EXOC5: variants seen among roughly 807,000 people sequenced by gnomAD.
EXOC5 encodes the protein exocyst complex component 5, also known as SEC10-like 1.
In EXOC5, 17 loss-of-function variants were observed where a neutral mutation model predicts 90.8. The ratio of observed to expected loss-of-function variants is 0.19; its 90% CI spans 0.13 to 0.28. The LOEUF (loss-of-function observed/expected upper bound fraction) is 0.28, where lower values mean the gene tolerates loss of function less well. EXOC5 is among the 10% of genes least tolerant of loss of function. The pLI is 1.00. For missense variants in EXOC5, 569 were observed against 830.6 expected (o/e 0.69, Z 3.87); for synonymous variants, 260 against 270.0 (o/e 0.96, Z 0.36).
At chr14:57,231,906 G>A (rs577240649) in intron 10 of EXOC5, 191 bp from the exon 11 acceptor site, 1 of 483,052 alleles carries the variant, frequency 2.1e-6, no homozygotes, top group African/African-American at 2.0e-5. Context: ...GAAATATTAC[G>A]AACAACTTTA....
At chr14:57,245,315 A>C (rs1884002689) in intron 3 of EXOC5, among the ~76,000 whole-genome samples, 1 of 152,162 alleles carries the variant, frequency 6.6e-6, no homozygotes, top group African/African-American at 2.4e-5. Context: ...ACATTTATTA[A>C]GGACTTTCTC....
chr14:57,242,025 C>T (rs933701914), intron 4 of EXOC5, among the ~76,000 whole-genome samples: 2 of 150,404 alleles, frequency 1.3e-5, no homozygotes, highest in Non-Finnish European at 3.0e-5. Context: ...CCCAGCTACT[C>T]AGGAGGCTGA....
At chr14:57,228,601 G>A (rs909796396) in intron 12 of EXOC5, among the ~76,000 whole-genome samples, 19 of 151,648 alleles carry the variant, frequency 1.3e-4, no homozygotes, top group African/African-American at 4.4e-4. Context: ...AACTAGCACA[G>A]GAAGAGAAAA....
intron 10 of EXOC5, 87 bp downstream of exon 10, chr14:57,232,580 T>G (rs1883519087): frequency 3.4e-6 from 2 of 591,702 alleles, no homozygotes; most frequent in Admixed American, 3.5e-5. Flanking sequence ...GACAAACTTA[T>G]TCAAAAATAC....
At chr14:57,213,509 G>A (rs539649853) in intron 15 of EXOC5, among the ~76,000 whole-genome samples, 193 of 151,890 alleles carry the variant, frequency 1.3e-3, no homozygotes, top group African/African-American at 4.3e-3. Context: ...CCAGGTTCAA[G>A]CAACTCCCCT....
chr14:57,238,426 ATATATG>A (rs1347840309), intron 5 of EXOC5, among the ~76,000 whole-genome samples: 2 of 150,508 alleles, frequency 1.3e-5, no homozygotes, highest in East Asian at 3.9e-4. Context: ...ATATTCATAT[ATATATG>A]TATATATGCA....
At chr14:57,240,623 T>C (rs1350881672) in intron 4 of EXOC5, among the ~76,000 whole-genome samples, 1 of 152,046 alleles carries the variant, frequency 6.6e-6, no homozygotes, top group Non-Finnish European at 1.5e-5. Context: ...CTAAGGAACT[T>C]AGGCAAGAGT....
At chr14:57,243,979 A>T (rs1167133119) in intron 4 of EXOC5, 186 bp downstream of exon 4, 2 of 491,336 alleles carry the variant, frequency 4.1e-6, no homozygotes, top group African/African-American at 3.9e-5. Context: ...TAAACATCTC[A>T]ATATTAACAC....
intron 12 of EXOC5, among the ~76,000 whole-genome samples, chr14:57,227,152 C>A (rs892345871): frequency 4.6e-5 from 7 of 152,094 alleles, no homozygotes; most frequent in African/African-American, 1.7e-4. Context: ...ACAAACACTT[C>A]ACCAGAGAGT....
intron 1 of EXOC5, among the ~76,000 whole-genome samples, chr14:57,263,299 C>T (rs1267601521): frequency 2.0e-5 from 3 of 151,970 alleles, no homozygotes; most frequent in Non-Finnish European, 4.4e-5. Context: ...AATGAGACCC[C>T]GTCCCTACAA....
chr14:57,257,627 A>G (rs959691516), intron 1 of EXOC5, among the ~76,000 whole-genome samples: 1 of 152,206 alleles, frequency 6.6e-6, no homozygotes, highest in East Asian at 1.9e-4. Context: ...AGGGTTTACG[A>G]GAAGTCAGCA....
intron 14 of EXOC5, 80 bp from the exon 15 acceptor site, chr14:57,218,148 T>C: frequency 1.5e-6 from 1 of 652,804 alleles, no homozygotes; most frequent in East Asian, 2.8e-5. Context: ...CCTATGTGTA[T>C]TACATTATAT....
chr14:57,206,082 C>T lies in EXOC5; in HGVS notation c.*2527G>A. ...TTCTCAATTTTAGAAAAACAATGCA[C>T]AGTGTGTTAAGAGCATATTTTCAAC... On this transcript the variant is annotated 3_prime_UTR_variant, in exon 18 of 18. Coordinates refer to ENST00000621441, the MANE Select transcript of EXOC5 (RefSeq NM_006544.4). The T allele has an allele frequency of 2.3e-6, 1 of 438,890 alleles. No homozygotes were observed. The allele number at this position is 438,890 out of a possible 1,614,324, so 27.2% of individuals were successfully genotyped here. A position where few individuals can be genotyped will look rare whatever the true frequency, so the allele number is the denominator to read the frequency against.
chr14:57,247,773 T>C, intron 1 of EXOC5, 61 bp from the exon 2 acceptor site: 1 of 800,096 alleles, frequency 1.2e-6, no homozygotes, highest in Non-Finnish European at 1.9e-6. Context: ...ATATTACTTA[T>C]AAAATTAAAA....
At position 57,266,735 on chromosome 14, in the gene EXOC5, GTATA is replaced by G. The variant is rs10550570; in HGVS notation, c.27+1883_27+1886del. 1.8e-4 allele frequency among the ~76,000 whole-genome samples: 26 copies of G among 146,420 alleles called. 1 individual carries two copies. Among genetic ancestry groups the G allele is most frequent in the Admixed American group, 4.1e-4 (6 of 14,588 alleles). On this transcript the variant is annotated intron_variant, in intron 1 of 17. Transcript: ENST00000621441. Reference sequence around the variant, plus strand: ...TATATATATGTGTATGTGTGTGTGTGTATATATATATATATATAAAACGTATATA... The same window carrying G: ...TATATATATGTGTATGTGTGTGTGTGTATATATATATATAAAACGTATATA...
chr14:57,216,279 G>GAA (rs75662960), intron 15 of EXOC5, among the ~76,000 whole-genome samples: 40,957 of 133,444 alleles, frequency 0.31, 9,815 homozygotes, highest in African/African-American at 0.67. Context: ...CACAGAAATA[G>GAA]AAAAAAAAAA....
chr14:57,268,461 C>T, intron 1 of EXOC5, 161 bp downstream of exon 1: 2 of 1,493,004 alleles, frequency 1.3e-6, no homozygotes, highest in African/African-American at 1.4e-5. Flanking sequence ...TTTCACGCTC[C>T]GCCCGCGCTG....
Position 57,203,829 on chromosome 14 carries a change from CA to C in EXOC5, c.*4779del, listed in dbSNP as rs1452961600. The C allele has an allele frequency of 6.6e-6, 1 of 152,526 alleles. No individual in the cohort carries two copies. Among genetic ancestry groups the C allele is most frequent in the African/African-American group, 2.4e-5 (1 of 41,420 alleles). The allele number at this position is 152,526 out of a possible 1,614,324, so 9.4% of individuals were successfully genotyped here. ...ATTGACAATTTTAATACATGTTGCA[CA>C]GTACATATTAATATAGAAAAATACA... On this transcript the variant is annotated 3_prime_UTR_variant, in exon 18 of 18. Coordinates refer to ENST00000621441, the MANE Select transcript of EXOC5 (RefSeq NM_006544.4).
In EXOC5 at chr14:57,234,966, T is replaced by C. The variant is rs137870821; in HGVS notation, c.669+745A>G. 6.6e-3 allele frequency among the ~76,000 whole-genome samples: 1,004 copies of C among 152,288 alleles called. 13 individuals carry two copies. Among genetic ancestry groups the C allele is most frequent in the African/African-American group, 0.023 (951 of 41,554 alleles). ...ACTAAATGTATTTTAATAAAATGTG[T>C]TTAAAACAAACTGATTTGTCATTAA... is the stretch of plus-strand genomic sequence containing the variant. On this transcript the variant is annotated intron_variant, in intron 7 of 17. Coordinates refer to ENST00000621441, the MANE Select transcript of EXOC5 (RefSeq NM_006544.4).
Sources: gnomAD v4.1 joint callset for allele counts (sites outside exome capture counted in the v4.1 genomes callset) on GRCh38, gnomAD v4.1.1 for gene constraint, MANE v1.5 for transcripts, NCBI Gene and HGNC (gene_info 2026-07-23, HGNC 2026-07-21) for gene names.